Variants in LGR6 observed in about 807,000 individuals in gnomAD.
The protein encoded by LGR6 is leucine-rich repeat-containing G protein-coupled receptor 6.
LGR6 carries 45 observed loss-of-function variants against 69.4 expected under a neutral mutation model. That is an observed-to-expected ratio of 0.65 (90% confidence interval 0.51 to 0.83). The LOEUF is 0.83. Ranked by LOEUF, LGR6 falls within the 40% of genes least tolerant of loss-of-function variation. LGR6 has a pLI of 0.00. For synonymous variants in LGR6, 538 were observed against 555.0 expected (o/e 0.97, Z 0.43); for missense variants, 1,108 against 1,246.7 (o/e 0.89, Z 1.68).
chr1:202,204,506 A>C (rs142684093), intron 1 of LGR6, among the ~76,000 whole-genome samples: 10 of 66,790 alleles, frequency 1.5e-4, no homozygotes, highest in Admixed American at 3.7e-4. Flanking sequence ...CACACCTCCA[A>C]ACACACACAC....
At chr1:202,214,125 G>A (rs1298907619) in intron 1 of LGR6, 3 of 1,468,078 alleles carry the variant, frequency 2.0e-6, no homozygotes, top group Admixed American at 5.9e-5. Context: ...CTGGACCGCA[G>A]AACTGGCACT....
chr1:202,194,225 GC>G, intron 1 of LGR6, 24 bp downstream of exon 1: 1 of 1,509,320 alleles, frequency 6.6e-7, no homozygotes, highest in South Asian at 1.2e-5. Context: ...GCCTGTCCCC[GC>G]CTGGTCCTGC....
chr1:202,275,313 T>C (rs1221746428), intron 4 of LGR6, among the ~76,000 whole-genome samples: 3 of 152,164 alleles, frequency 2.0e-5, no homozygotes, highest in African/African-American at 7.2e-5. Context: ...TGTGAGACCA[T>C]CTGCTTAGGG....
intron 1 of LGR6, among the ~76,000 whole-genome samples, chr1:202,216,298 G>A (rs1450948274): frequency 6.6e-6 from 1 of 152,186 alleles, no homozygotes; most frequent in Non-Finnish European, 1.5e-5. Context: ...ACTTTACCAG[G>A]GAGGAAATTA....
At position 202,319,601 on chromosome 1, in the gene LGR6, T is replaced by C. The variant is rs1412520963; in HGVS notation, c.*394T>C. On this transcript the variant is annotated 3_prime_UTR_variant, in exon 18 of 18. Transcript: ENST00000367278. ...GGAAGGTGATTTCCCGTGTGACTCA[T>C]GGATAGGATACAAAATGTGTTCCAT... 1 of 186,940 alleles carries C rather than the reference T, an allele frequency of 5.3e-6. No homozygotes were observed. The highest frequency in any genetic ancestry group is 1.1e-5 in the Non-Finnish European group (1 of 89,670). The allele number at this position is 186,940 out of a possible 1,614,324, so 11.6% of individuals were successfully genotyped here.
At position 202,319,432 on chromosome 1, in the gene LGR6, G is replaced by A. The variant is rs937271132; in HGVS notation, c.*225G>A. The A allele has an allele frequency of 1.9e-6, 1 of 519,224 alleles. No homozygotes were observed. The highest frequency in any genetic ancestry group is 3.7e-5 in the Admixed American group (1 of 26,766). The allele number at this position is 519,224 out of a possible 1,614,324, so 32.2% of individuals were successfully genotyped here. On this transcript the variant is annotated 3_prime_UTR_variant, in exon 18 of 18. Transcript: ENST00000367278. The stretch of plus-strand genomic sequence containing the variant: ...CTTCCTCAGCTTCACCTTGATACTG[G>A]GCCTCTTCCTTGTCATGTCTGAAGC...
At chr1:202,237,532 A>T (rs1661681253) in intron 4 of LGR6, among the ~76,000 whole-genome samples, 2 of 152,248 alleles carry the variant, frequency 1.3e-5, no homozygotes, top group African/African-American at 4.8e-5. Flanking sequence ...TTTTAAAAAA[A>T]ATCGTGAATC....
intron 1 of LGR6, among the ~76,000 whole-genome samples, chr1:202,220,229 T>C (rs957992813): frequency 1.3e-5 from 2 of 151,502 alleles, no homozygotes; most frequent in African/African-American, 2.4e-5. Context: ...CTACAATTTT[T>C]TTTTTTGAGA....
chr1:202,271,273 C>T (rs1273086171), intron 4 of LGR6, among the ~76,000 whole-genome samples: 3 of 152,218 alleles, frequency 2.0e-5, no homozygotes, highest in Admixed American at 6.5e-5. Flanking sequence ...ATCCAATACC[C>T]CTTTCCTGGC....
At chr1:202,301,885 G>A (rs1191866597) in intron 9 of LGR6, among the ~76,000 whole-genome samples, 1 of 152,132 alleles carries the variant, frequency 6.6e-6, no homozygotes, top group Non-Finnish European at 1.5e-5. Flanking sequence ...CGGGCGTGGT[G>A]GTGGGCACCT....
At chr1:202,316,707 C>A (rs1251382098) in intron 17 of LGR6, among the ~76,000 whole-genome samples, 1 of 152,030 alleles carries the variant, frequency 6.6e-6, no homozygotes, top group Non-Finnish European at 1.5e-5. Context: ...AAATTTTCTA[C>A]AGTTATCACC....
At chr1:202,275,390 G>A (rs1369158815) in intron 4 of LGR6, among the ~76,000 whole-genome samples, 2 of 152,184 alleles carry the variant, frequency 1.3e-5, no homozygotes, top group Admixed American at 6.5e-5. Context: ...AAAGGCTGTC[G>A]TGGCCTGGGC....
At chr1:202,293,676 C>G (rs1228826891) in intron 6 of LGR6, among the ~76,000 whole-genome samples, 1 of 152,172 alleles carries the variant, frequency 6.6e-6, no homozygotes, top group East Asian at 1.9e-4. Flanking sequence ...CTACATGGTA[C>G]TATATGAAGC....
chr1:202,216,455 T>G (rs974882459), intron 1 of LGR6, among the ~76,000 whole-genome samples: 1 of 152,222 alleles, frequency 6.6e-6, no homozygotes, highest in Non-Finnish European at 1.5e-5. Context: ...GTTCTAGAAC[T>G]GTGCTGTCCA....
At chr1:202,316,678 G>T (rs788798) in intron 17 of LGR6, among the ~76,000 whole-genome samples, 85,996 of 151,958 alleles carry the variant, frequency 0.57, 25,622 homozygotes, top group East Asian at 0.75. Context: ...TCATTTTAAT[G>T]TTTTCATGTT....
chr1:202,245,871 A>G (rs1163698602), intron 4 of LGR6, among the ~76,000 whole-genome samples: 1 of 152,070 alleles, frequency 6.6e-6, no homozygotes, highest in Non-Finnish European at 1.5e-5. Context: ...TCAGGAGGGA[A>G]GAGGAGACCG....
At chr1:202,248,554 C>G (rs1662953034) in intron 4 of LGR6, among the ~76,000 whole-genome samples, 1 of 152,186 alleles carries the variant, frequency 6.6e-6, no homozygotes, top group Non-Finnish European at 1.5e-5. Flanking sequence ...ACGACTCTAG[C>G]AAGGCCTGGT....
chr1:202,287,825 C>T (rs1284978078), intron 6 of LGR6, among the ~76,000 whole-genome samples: 3 of 152,198 alleles, frequency 2.0e-5, no homozygotes, highest in South Asian at 2.1e-4. Context: ...TGCTCCAAGC[C>T]GCCATCCTTC....
At chr1:202,310,906 T>C (rs1438267672) in intron 16 of LGR6, among the ~76,000 whole-genome samples, 1 of 152,074 alleles carries the variant, frequency 6.6e-6, no homozygotes, top group African/African-American at 2.4e-5. Flanking sequence ...GAGACTTCCG[T>C]GGCCGCCAGG....
Sources: allele counts gnomAD v4.1 joint callset (sites outside exome capture counted in the v4.1 genomes callset), GRCh38; gene constraint gnomAD v4.1.1; transcripts MANE v1.5; gene names NCBI Gene and HGNC (gene_info 2026-07-23, HGNC 2026-07-21).